The following NPAS3 variants were observed in gnomAD, a reference collection of about 807,000 sequenced individuals.
NPAS3 encodes neuronal PAS domain-containing protein 3.
In NPAS3, 14 loss-of-function variants were observed where a neutral mutation model predicts 73.1. That is an observed-to-expected ratio of 0.19 (90% CI 0.13 to 0.30). NPAS3 has a LOEUF of 0.30. NPAS3 is among the 10% of genes least tolerant of loss of function. The probability of loss-of-function intolerance (pLI) is 1.00; values close to 1 mark genes in which losing one functional copy is unlikely to be tolerated. For synonymous variants in NPAS3, 620 were observed against 541.5 expected (o/e 1.14, Z -2.01); for missense variants, 1,096 against 1,250.0 (o/e 0.88, Z 1.86).
At chr14:33,418,587 T>A (rs1161014542) in intron 4 of NPAS3, among the ~76,000 whole-genome samples, 1 of 152,054 alleles carries the variant, frequency 6.6e-6, no homozygotes, top group Non-Finnish European at 1.5e-5. Context: ...TTTGTATTTC[T>A]CTGTTGATGA....
chr14:33,515,111 C>T (rs1325916422), intron 4 of NPAS3, among the ~76,000 whole-genome samples: 1 of 152,054 alleles, frequency 6.6e-6, no homozygotes, highest in Non-Finnish European at 1.5e-5. Context: ...GCCAATTATT[C>T]TCATATTTTT....
intron 5 of NPAS3, among the ~76,000 whole-genome samples, chr14:33,634,217 C>T (rs2058454183): frequency 6.6e-6 from 1 of 152,178 alleles, no homozygotes; most frequent in East Asian, 1.9e-4. Context: ...AAATTAAATA[C>T]ATGGTGTTTC....
chr14:33,696,335 A>G (rs1407770610), intron 6 of NPAS3, among the ~76,000 whole-genome samples: 1 of 152,214 alleles, frequency 6.6e-6, no homozygotes, highest in Non-Finnish European at 1.5e-5. Flanking sequence ...GTCTCTGCCA[A>G]CTGGCTTGCC....
At chr14:33,263,005 G>T (rs1228865928) in intron 3 of NPAS3, among the ~76,000 whole-genome samples, 1 of 152,100 alleles carries the variant, frequency 6.6e-6, no homozygotes, top group Admixed American at 6.5e-5. Flanking sequence ...GTCCTTTGTA[G>T]ATTCTGGATA....
chr14:33,065,138 CA>C (rs1297452075), intron 2 of NPAS3, among the ~76,000 whole-genome samples: 10 of 152,292 alleles, frequency 6.6e-5, no homozygotes, highest in Non-Finnish European at 1.5e-4. Flanking sequence ...ATAGGATTTT[CA>C]GCAGACAAAT....
intron 6 of NPAS3, among the ~76,000 whole-genome samples, chr14:33,720,712 T>C (rs941468331): frequency 1.3e-5 from 2 of 152,200 alleles, no homozygotes; most frequent in African/African-American, 4.8e-5. Context: ...TCTTTGAGAA[T>C]TCCACTCTTC....
At chr14:33,389,099 A>G (rs2046894888) in intron 4 of NPAS3, among the ~76,000 whole-genome samples, 1 of 152,136 alleles carries the variant, frequency 6.6e-6, no homozygotes, top group African/African-American at 2.4e-5. Context: ...AAAGATTGGT[A>G]TCTTGGCATT....
rs964042408 is a variant in NPAS3 at position 33,215,643 on chromosome 14, A to T, written c.385+217A>T. 1.7e-5 allele frequency: 12 copies of T among 701,800 alleles called. No homozygotes were observed. In the South Asian group the frequency reaches 1.9e-4, roughly 11 times the overall value. The allele number at this position is 701,800 out of a possible 1,614,324, so 43.5% of individuals were successfully genotyped here. ...TTTTCAAAAAGTCTATCAGCCTAAA[A>T]TTCTGTCACTTTATATAAGATTTCA... On this transcript the variant is annotated intron_variant, in intron 3 of 11. Coordinates refer to ENST00000356141, the Ensembl canonical transcript of NPAS3.
intron 2 of NPAS3, among the ~76,000 whole-genome samples, chr14:33,209,413 C>A (rs1016905280): frequency 6.6e-6 from 1 of 152,124 alleles, no homozygotes. Flanking sequence ...CTTATAGAAT[C>A]TTTACTGTAC....
At chr14:33,083,528 T>C (rs8014514) in intron 2 of NPAS3, among the ~76,000 whole-genome samples, 65,803 of 152,002 alleles carry the variant, frequency 0.43, 15,781 homozygotes, top group African/African-American at 0.65. Flanking sequence ...TTCAGAAGGA[T>C]GGGGTGATAG....
intron 4 of NPAS3, among the ~76,000 whole-genome samples, chr14:33,430,816 T>C (rs2048754028): frequency 6.6e-6 from 1 of 152,168 alleles, no homozygotes; most frequent in South Asian, 2.1e-4. Context: ...TGTGCACGTG[T>C]GCAAACAAAA....
chr14:33,104,130 G>T (rs181837330), intron 2 of NPAS3, among the ~76,000 whole-genome samples: 1 of 152,226 alleles, frequency 6.6e-6, no homozygotes, highest in African/African-American at 2.4e-5. Flanking sequence ...CTATAATGTA[G>T]ACTATTGCAT....
chr14:33,645,219 AC>A (rs1358550730), intron 5 of NPAS3, among the ~76,000 whole-genome samples: 1 of 152,176 alleles, frequency 6.6e-6, no homozygotes, highest in Non-Finnish European at 1.5e-5. Context: ...TGTTCAGGGT[AC>A]CTGATACTTA....
At chr14:33,492,671 T>C (rs1434392896) in intron 4 of NPAS3, among the ~76,000 whole-genome samples, 3 of 152,206 alleles carry the variant, frequency 2.0e-5, no homozygotes, top group Non-Finnish European at 4.4e-5. Context: ...AGGACATGGA[T>C]TGAAGCAAGG....
chr14:33,307,944 T>C (rs751712802), intron 3 of NPAS3, among the ~76,000 whole-genome samples: 22 of 152,158 alleles, frequency 1.4e-4, no homozygotes, highest in Middle Eastern at 3.2e-3. Flanking sequence ...CTACCCCTCA[T>C]GTAGCGCCAC....
rs558926992 is a variant in NPAS3, at chr14:33,301,734, G to GTTTA, written c.386-65451_386-65450insTTAT. ...ATACCAGGGATAAAGCAAATCAGCA[G>GTTTA]TATAAACTACTAATTCTGTAAGTAC... On this transcript the variant is annotated intron_variant, in intron 3 of 11. Coordinates refer to ENST00000356141, the Ensembl canonical transcript of NPAS3. 2.3e-3 allele frequency among the ~76,000 whole-genome samples: 347 copies of GTTTA among 152,272 alleles called. 1 individual carries two copies. Among genetic ancestry groups the GTTTA allele is most frequent in the African/African-American group, 8.1e-3 (335 of 41,554 alleles).
At chr14:33,688,008 C>G (rs547567226) in intron 6 of NPAS3, among the ~76,000 whole-genome samples, 1 of 152,328 alleles carries the variant, frequency 6.6e-6, no homozygotes, top group South Asian at 2.1e-4. Flanking sequence ...AAATGCACAG[C>G]TGATGTAAAG....
At chr14:33,795,339 G>A (rs554947503) in intron 10 of NPAS3, among the ~76,000 whole-genome samples, 1 of 152,006 alleles carries the variant, frequency 6.6e-6, no homozygotes. Flanking sequence ...TTTCTCCAAG[G>A]CCTGATTTCC....
At chr14:33,288,845 G>A (rs1199359245) in intron 3 of NPAS3, among the ~76,000 whole-genome samples, 2 of 152,038 alleles carry the variant, frequency 1.3e-5, no homozygotes, top group African/African-American at 4.8e-5. Flanking sequence ...AAAATCTATT[G>A]TACACATTTA....
Sources: allele counts gnomAD v4.1 joint callset (sites outside exome capture counted in the v4.1 genomes callset), GRCh38; gene constraint gnomAD v4.1.1; transcripts MANE v1.5; gene names NCBI Gene and HGNC (gene_info 2026-07-23, HGNC 2026-07-21).